The following DNAH12 variants were observed in gnomAD, a reference collection of about 807,000 sequenced individuals.
DNAH12 encodes the protein dynein axonemal heavy chain 12, also known as axonemal beta dynein heavy chain 12.
In DNAH12, 285 loss-of-function variants were observed where a neutral mutation model predicts 371.5. The observed-to-expected ratio is 0.77, with a 90% CI of 0.70 to 0.85. DNAH12 has a LOEUF of 0.85. DNAH12 is among the 40% of genes least tolerant of loss of function. The probability of loss-of-function intolerance (pLI) is 0.00; values close to 1 mark genes in which losing one functional copy is unlikely to be tolerated. For synonymous variants in DNAH12, 1,200 were observed against 1,213.0 expected (o/e 0.99, Z 0.22); for missense variants, 3,611 against 3,689.4 (o/e 0.98, Z 0.55).
At chr3:57,428,572 G>T in intron 34 of DNAH12, 61 bp downstream of exon 34, 2 of 1,511,172 alleles carry the variant, frequency 1.3e-6, no homozygotes, top group South Asian at 2.6e-5. Flanking sequence ...TGTGACTTTA[G>T]ACTTAGTCAA....
intron 32 of DNAH12, among the ~76,000 whole-genome samples, chr3:57,432,653 T>TA (rs1056805497): frequency 2.0e-4 from 30 of 151,846 alleles, no homozygotes; most frequent in Middle Eastern, 3.4e-3. Flanking sequence ...TATATTGATT[T>TA]AAAAAAAACA....
At chr3:57,365,744 T>C (rs2063036575) in intron 57 of DNAH12, among the ~76,000 whole-genome samples, 1 of 152,102 alleles carries the variant, frequency 6.6e-6, no homozygotes, top group Non-Finnish European at 1.5e-5. Context: ...TTTATATATG[T>C]AGATAAATAT....
chr3:57,369,272 T>TAA (rs1471438433), intron 55 of DNAH12, among the ~76,000 whole-genome samples: 2 of 141,118 alleles, frequency 1.4e-5, no homozygotes, highest in Non-Finnish European at 3.0e-5. Flanking sequence ...ATTATATATA[T>TAA]AATTTTTACA....
At position 57,396,294 on chromosome 3, in the gene DNAH12, A is replaced by AC. The variant is rs2063737846; in HGVS notation, c.6949-1963_6949-1962insG. Among the ~76,000 whole-genome samples, 20 of 117,424 alleles carry AC rather than the reference A, an allele frequency of 1.7e-4. 1 individual carries two copies. Among genetic ancestry groups the AC allele is most frequent in the South Asian group, 1.1e-3 (4 of 3,672 alleles). The allele number at this position is 117,424 out of a possible 152,430, so 77.0% of individuals were successfully genotyped here. On this transcript the variant is annotated intron_variant, in intron 43 of 73. Transcript: ENST00000495027. ...ACTGCATCTCAAAAAAAAAAACAAAAAAAAAAAAAAAAAAAAGAGAACCAT... is the reference window on the plus strand; with the variant it reads ...ACTGCATCTCAAAAAAAAAAACAAAACAAAAAAAAAAAAAAAAGAGAACCAT...
intron 4 of DNAH12, among the ~76,000 whole-genome samples, chr3:57,514,474 A>C (rs1014333594): frequency 6.6e-6 from 1 of 152,136 alleles, no homozygotes; most frequent in African/African-American, 2.4e-5. Context: ...TTTGTGTAAG[A>C]AAACATACCT....
chr3:57,413,714 C>A, intron 39 of DNAH12, 32 bp downstream of exon 39: 1 of 1,532,422 alleles, frequency 6.5e-7, no homozygotes. Flanking sequence ...TGAGGTATAA[C>A]TTCAGCATAA....
rs1362414494 is a variant in DNAH12 at position 57,419,469 on chromosome 3, G to A, written c.5612C>T (p.Thr1871Ile). Residue 1871 changes from threonine (T) to isoleucine (I), a missense_variant, in exon 37 of 74, where the codon ACT (threonine) becomes ATT (isoleucine). Around this residue, in one of 3 missense-constraint regions of DNAH12, gnomAD observed 2,266 missense variants for 2,236.9 expected, o/e 1.01. Transcript: ENST00000495027. Reference protein sequence around the residue: ...WVHWNELIKNTNLGDKQIKIQ... With the variant: ...WVHWNELIKNINLGDKQIKIQ... ...CTTGATTTGTTTATCTCCTAAATTAGTATTTTTAATTAATTCATTCCAATG... is the reference window on the plus strand; with the variant it reads ...CTTGATTTGTTTATCTCCTAAATTAATATTTTTAATTAATTCATTCCAATG... 4 of 1,488,152 alleles carry A rather than the reference G, an allele frequency of 2.7e-6. No homozygotes were observed. Among genetic ancestry groups the A allele is most frequent in the Non-Finnish European group, 3.6e-6 (4 of 1,120,690 alleles). 92.2% of individuals were successfully genotyped at this position (1,488,152 alleles called of 1,614,324 possible). A position where few individuals can be genotyped will look rare whatever the true frequency, so the allele number is the denominator to read the frequency against.
Position 57,487,402 on chromosome 3 carries a change from AG to A in DNAH12, c.1514+2106del, listed in dbSNP as rs1413959915. Among the ~76,000 whole-genome samples the A allele has an allele frequency of 9.9e-5, 10 of 100,984 alleles. 1 individual carries two copies. The highest frequency in any genetic ancestry group is 5.1e-4 in the Admixed American group (5 of 9,828). The allele number at this position is 100,984 out of a possible 152,430, so 66.2% of individuals were successfully genotyped here. ...AAAAAAAAGAAAGAGAAAGAAAGAA[AG>A]AAAAAAAAGAAAAAGAAAGAAAAAA... On this transcript the variant is annotated intron_variant, in intron 12 of 73. Transcript: ENST00000495027.
intron 62 of DNAH12, among the ~76,000 whole-genome samples, chr3:57,326,049 T>C (rs142965013): frequency 0.074 from 11,182 of 152,048 alleles, 1,348 homozygotes; most frequent in African/African-American, 0.25. Context: ...CCAAGAAATA[T>C]GGGACTATGG....
intron 38 of DNAH12, among the ~76,000 whole-genome samples, chr3:57,414,424 A>C (rs2064301521): frequency 6.6e-6 from 1 of 152,124 alleles, no homozygotes; most frequent in Admixed American, 6.6e-5. Context: ...CAGGGAGTAC[A>C]CATGCAGGTT....
At chr3:57,514,235 A>T (rs1251797669) in intron 4 of DNAH12, among the ~76,000 whole-genome samples, 1 of 151,980 alleles carries the variant, frequency 6.6e-6, no homozygotes, top group Non-Finnish European at 1.5e-5. Context: ...CTCTACTAAA[A>T]ATACAAAAAT....
At chr3:57,371,545 A>G (rs2063169157) in intron 55 of DNAH12, among the ~76,000 whole-genome samples, 1 of 151,940 alleles carries the variant, frequency 6.6e-6, no homozygotes, top group African/African-American at 2.4e-5. Context: ...TGGGGGCACT[A>G]CAAATGCCTG....
intron 2 of DNAH12, chr3:57,530,658 T>TC (rs1302342283): frequency 2.1e-6 from 1 of 477,720 alleles, no homozygotes; most frequent in Non-Finnish European, 3.8e-6. Context: ...GAGTGTGCTG[T>TC]CACTGAGCAC....
chr3:57,329,404 G>A (rs1323720470), intron 62 of DNAH12, among the ~76,000 whole-genome samples: 7 of 123,736 alleles, frequency 5.7e-5, no homozygotes, highest in Non-Finnish European at 1.1e-4. Flanking sequence ...CAGAAATAAC[G>A]CCACATATCT....
Position 57,444,764 on chromosome 3 carries a change from A to G in DNAH12, c.4478T>C (p.Ile1493Thr), listed in dbSNP as rs1333756054. 6 of 1,548,844 alleles carry G rather than the reference A, an allele frequency of 3.9e-6. No individual in the cohort carries two copies. The highest frequency in any genetic ancestry group is 4.0e-5 in the Admixed American group (2 of 50,434). The change falls in exon 29 of 74, where the codon ATA becomes ACA. Residue 1493 changes from isoleucine to threonine, a missense_variant. Physicochemically the swap from Ile to Thr is moderately conservative, Grantham distance 89 (BLOSUM62 -1). Transcript: ENST00000495027. Reference protein sequence around the residue: ...VNEPKFLSHDIPLFNGITSDL... With the variant: ...VNEPKFLSHDTPLFNGITSDL... ...ACTAGTTATTCCATTAAATAAAGGT[A>G]TATCATGTGATAAAAACTTTGGTTC... is the stretch of plus-strand genomic sequence containing the variant.
chr3:57,402,355 C>T (rs782683689), intron 43 of DNAH12: 1 of 1,294,832 alleles, frequency 7.7e-7, no homozygotes, highest in South Asian at 1.2e-5. Context: ...GGGCTACAGA[C>T]CCCTAGGCAT....
chr3:57,453,590 T>C (rs1269697425), intron 23 of DNAH12, among the ~76,000 whole-genome samples, 187 bp from the exon 24 acceptor site: 1 of 148,548 alleles, frequency 6.7e-6, no homozygotes, highest in African/African-American at 2.5e-5. Context: ...AGGATCTTCT[T>C]TTTTTTTTTT....
chr3:57,408,700 G>C (rs935874485), intron 39 of DNAH12, among the ~76,000 whole-genome samples, 165 bp from the exon 40 acceptor site: 2 of 151,966 alleles, frequency 1.3e-5, no homozygotes, highest in African/African-American at 2.4e-5. Flanking sequence ...AGCAGAATTT[G>C]GTTTCTCCCC....
chr3:57,316,725 C>G (rs2061693184), intron 65 of DNAH12, among the ~76,000 whole-genome samples: 1 of 152,178 alleles, frequency 6.6e-6, no homozygotes, highest in African/African-American at 2.4e-5. Context: ...ATAGTGAGTT[C>G]TCACGAGATC....
Sources: allele counts gnomAD v4.1 joint callset (sites outside exome capture counted in the v4.1 genomes callset), GRCh38; gene constraint gnomAD v4.1.1; regional missense constraint gnomAD v4.1.1; transcripts MANE v1.5; gene names NCBI Gene and HGNC (gene_info 2026-07-23, HGNC 2026-07-21).